The following LRRC4C variants were observed in gnomAD, a reference collection of about 807,000 sequenced individuals.
LRRC4C encodes the protein leucine-rich repeat-containing protein 4C.
Under a neutral mutation model 33.6 loss-of-function variants are expected in LRRC4C, and 5 were observed. The observed-to-expected ratio is 0.15, with a 90% CI of 0.08 to 0.31. LRRC4C has a LOEUF of 0.31. Ranked by LOEUF, LRRC4C falls within the 10% of genes least tolerant of loss-of-function variation. LRRC4C has a pLI of 1.00. For missense variants in LRRC4C, 560 were observed against 796.7 expected (o/e 0.70, Z 3.58); for synonymous variants, 329 against 302.0 (o/e 1.09, Z -0.93).
At chr11:40,664,655 A>G (rs1156242242) in intron 2 of LRRC4C, among the ~76,000 whole-genome samples, 1 of 152,174 alleles carries the variant, frequency 6.6e-6, no homozygotes, top group African/African-American at 2.4e-5. Flanking sequence ...TAAGAAACCC[A>G]AACAAAATGT....
At chr11:40,971,321 C>G (rs1226200239) in intron 1 of LRRC4C, among the ~76,000 whole-genome samples, 1 of 152,210 alleles carries the variant, frequency 6.6e-6, no homozygotes, top group Admixed American at 6.5e-5. Flanking sequence ...TCCCTGCATT[C>G]TAGCCACTCC....
At chr11:40,127,496 C>A (rs1202023735) in intron 6 of LRRC4C, among the ~76,000 whole-genome samples, 4 of 151,714 alleles carry the variant, frequency 2.6e-5, no homozygotes, top group Non-Finnish European at 4.4e-5. Context: ...CACTGCAAGC[C>A]TAACAAAAAA....
intron 5 of LRRC4C, among the ~76,000 whole-genome samples, chr11:40,227,027 A>G (rs1049228009): frequency 2.0e-5 from 3 of 152,152 alleles, no homozygotes; most frequent in Admixed American, 2.0e-4. Flanking sequence ...GTTTTTCTCT[A>G]TCATCACCCA....
chr11:41,256,695 T>C (rs1948811751), intron 1 of LRRC4C, among the ~76,000 whole-genome samples: 1 of 152,054 alleles, frequency 6.6e-6, no homozygotes, highest in Non-Finnish European at 1.5e-5. Context: ...TCTCATATCA[T>C]GCGTGTTGTC....
chr11:40,810,043 C>A (rs1032391844), intron 2 of LRRC4C, among the ~76,000 whole-genome samples: 10 of 152,114 alleles, frequency 6.6e-5, no homozygotes, highest in African/African-American at 2.4e-4. Flanking sequence ...ATTTTTAAAA[C>A]CTTTGTCTCT....
chr11:41,102,929 A>G (rs1270315051), intron 1 of LRRC4C, among the ~76,000 whole-genome samples: 1 of 151,992 alleles, frequency 6.6e-6, no homozygotes, highest in African/African-American at 2.4e-5. Context: ...TGACTTGCCA[A>G]ATATAACTGG....
Position 40,502,860 on chromosome 11 carries a change from G to A in LRRC4C, c.-270+145282C>T, listed in dbSNP as rs12292268. ...AATTTCTACTTAGAAAAAAATATGT[G>A]ATTTTTGTAATGTAAGATGTTCTCT... On this transcript the variant is annotated intron_variant, in intron 3 of 6. Coordinates refer to ENST00000528697, the MANE Select transcript of LRRC4C (RefSeq NM_001258419.2). Among the ~76,000 whole-genome samples, 1,008 of 152,212 alleles carry A rather than the reference G, an allele frequency of 6.6e-3. 17 individuals are homozygous for A. Among genetic ancestry groups the A allele is most frequent in the African/African-American group, 0.023 (968 of 41,510 alleles).
chr11:40,580,634 T>C (rs1198637990), intron 3 of LRRC4C, among the ~76,000 whole-genome samples: 2 of 152,144 alleles, frequency 1.3e-5, no homozygotes, highest in Non-Finnish European at 2.9e-5. Flanking sequence ...CGGTGGTATG[T>C]TTTATGTTCA....
Position 40,114,223 on chromosome 11 carries a change from GA to G in LRRC4C, c.*146del. 2 of 951,930 alleles carry G rather than the reference GA, an allele frequency of 2.1e-6. No individual in the cohort carries two copies. Among genetic ancestry groups the G allele is most frequent in the Non-Finnish European group, 3.0e-6 (2 of 671,804 alleles). The allele number at this position is 951,930 out of a possible 1,614,324, so 59.0% of individuals were successfully genotyped here. A position where few individuals can be genotyped will look rare whatever the true frequency, so the allele number is the denominator to read the frequency against. ...ATTTTGTCTGCTTTAGATCACAATA[GA>G]ATTTTTAATAAATAAATTTCTTTTC... On this transcript the variant is annotated 3_prime_UTR_variant, in exon 7 of 7. Coordinates refer to ENST00000528697, the MANE Select transcript of LRRC4C (RefSeq NM_001258419.2).
chr11:40,134,295 A>T (rs1856832791), intron 6 of LRRC4C, among the ~76,000 whole-genome samples: 2 of 152,310 alleles, frequency 1.3e-5, no homozygotes, highest in African/African-American at 4.8e-5. Flanking sequence ...TTGGGTAGGG[A>T]ATATATGAAA....
chr11:40,905,017 CT>C (rs1043410530), intron 2 of LRRC4C, among the ~76,000 whole-genome samples: 16 of 152,144 alleles, frequency 1.1e-4, no homozygotes, highest in South Asian at 6.2e-4. Context: ...CGCCCACCCC[CT>C]ATCCACTCAG....
At chr11:40,513,605 G>A (rs926316048) in intron 3 of LRRC4C, among the ~76,000 whole-genome samples, 2 of 152,058 alleles carry the variant, frequency 1.3e-5, no homozygotes, top group African/African-American at 4.8e-5. Context: ...TAAGGGCCAG[G>A]GCAGGGTTGC....
chr11:40,761,398 A>C (rs2137073731), intron 2 of LRRC4C, among the ~76,000 whole-genome samples: 1 of 152,282 alleles, frequency 6.6e-6, no homozygotes, highest in South Asian at 2.1e-4. Flanking sequence ...CACCTTGAGC[A>C]AGCCACTTAA....
rs1644592120 is a variant in LRRC4C, at chr11:41,263,281, C to T, written c.-496+196150G>A. On this transcript the variant is annotated intron_variant, in intron 1 of 6. Coordinates refer to ENST00000528697, the MANE Select transcript of LRRC4C (RefSeq NM_001258419.2). ...CTTGAAAAAGAATTAACATCCGCAC[C>T]CTCATCACTATAAAATCACATGCAA... Among the ~76,000 whole-genome samples the T allele has an allele frequency of 1.3e-5, 2 of 151,994 alleles. 1 individual carries two copies. Among genetic ancestry groups the T allele is most frequent in the South Asian group, 4.1e-4 (2 of 4,820 alleles).
chr11:40,909,798 A>G (rs1403642314), intron 2 of LRRC4C, among the ~76,000 whole-genome samples: 1 of 152,184 alleles, frequency 6.6e-6, no homozygotes, highest in East Asian at 1.9e-4. Flanking sequence ...TACAATTATT[A>G]TACTATTTTT....
chr11:40,834,903 G>GAC (rs1257327297), intron 2 of LRRC4C, among the ~76,000 whole-genome samples: 1,276 of 39,008 alleles, frequency 0.033, 14 homozygotes, highest in African/African-American at 0.051. Context: ...CAGACAGACA[G>GAC]ACAGACAGAC....
intron 3 of LRRC4C, among the ~76,000 whole-genome samples, chr11:40,608,123 G>A (rs1960822027): frequency 6.6e-6 from 1 of 151,760 alleles, no homozygotes; most frequent in Non-Finnish European, 1.5e-5. Flanking sequence ...TGCAATGAAG[G>A]TGTAAAAATA....
chr11:40,300,889 A>G lies in LRRC4C; in HGVS notation c.-176+18739T>C, dbSNP rs373838371. 4.6e-5 allele frequency among the ~76,000 whole-genome samples: 7 copies of G among 152,170 alleles called. No homozygotes were observed. In the South Asian group the frequency reaches 1.5e-3, roughly 32 times the overall value. On this transcript the variant is annotated intron_variant, in intron 4 of 6. Transcript: ENST00000528697. ...CAATCCTGGCTCACTACAGCCTGGA[A>G]CTCCCGGGCTCAAGCGATTCTCTCA...
At chr11:41,265,908 TAGTC>T (rs1260067712) in intron 1 of LRRC4C, among the ~76,000 whole-genome samples, 1 of 151,920 alleles carries the variant, frequency 6.6e-6, no homozygotes, top group Non-Finnish European at 1.5e-5. Flanking sequence ...CATTCTTTAA[TAGTC>T]AGTTCTCCAA....
Sources: allele counts gnomAD v4.1 joint callset (sites outside exome capture counted in the v4.1 genomes callset), GRCh38; gene constraint gnomAD v4.1.1; transcripts MANE v1.5; gene names NCBI Gene and HGNC (gene_info 2026-07-23, HGNC 2026-07-21).